Variants in SH3GL2 observed in about 807,000 individuals in gnomAD.
SH3GL2 encodes the protein endophilin-A1.
Under a neutral mutation model 46.0 loss-of-function variants are expected in SH3GL2, and 24 were observed. The ratio of observed to expected loss-of-function variants is 0.52; its 90% CI spans 0.38 to 0.73. SH3GL2 has a LOEUF of 0.73. SH3GL2 is among the 30% of genes least tolerant of loss of function. The pLI is 0.00. For synonymous variants in SH3GL2, 196 were observed against 147.1 expected (o/e 1.33, Z -2.40); for missense variants, 413 against 424.2 (o/e 0.97, Z 0.23).
intron 2 of SH3GL2, among the ~76,000 whole-genome samples, chr9:17,757,793 C>T (rs1347631483): frequency 6.6e-5 from 10 of 152,140 alleles, no homozygotes; most frequent in Admixed American, 5.9e-4. Flanking sequence ...TGGAAATCTT[C>T]TTTATGCTAA....
At chr9:17,597,516 CA>C (rs35443283) in intron 1 of SH3GL2, among the ~76,000 whole-genome samples, 4,475 of 128,684 alleles carry the variant, frequency 0.035, 130 homozygotes, top group African/African-American at 0.087. Flanking sequence ...TACTCAGTCT[CA>C]AAAAAAAAAA....
intron 1 of SH3GL2, among the ~76,000 whole-genome samples, chr9:17,700,249 C>T (rs753901543): frequency 3.3e-5 from 5 of 152,132 alleles, no homozygotes; most frequent in Non-Finnish European, 7.3e-5. Flanking sequence ...AGAGGATGAG[C>T]TATTTTATTT....
chr9:17,718,248 C>T (rs995790540), intron 1 of SH3GL2, among the ~76,000 whole-genome samples: 2 of 152,138 alleles, frequency 1.3e-5, no homozygotes, highest in Non-Finnish European at 2.9e-5. Context: ...TTCATGCCAT[C>T]CTCCCTCACA....
intron 1 of SH3GL2, among the ~76,000 whole-genome samples, chr9:17,699,875 C>T (rs143413184): frequency 5.9e-5 from 9 of 152,228 alleles, no homozygotes; most frequent in East Asian, 3.9e-4. Flanking sequence ...TATCTTTGGC[C>T]ACCTATCTGT....
intron 1 of SH3GL2, among the ~76,000 whole-genome samples, chr9:17,658,519 T>G (rs969621522): frequency 4.6e-5 from 7 of 152,212 alleles, no homozygotes; most frequent in Non-Finnish European, 8.8e-5. Context: ...TATTGCTTAA[T>G]AGTAAATGTG....
At chr9:17,628,407 C>T (rs1333729940) in intron 1 of SH3GL2, among the ~76,000 whole-genome samples, 3 of 132,514 alleles carry the variant, frequency 2.3e-5, no homozygotes, top group Non-Finnish European at 4.8e-5. Flanking sequence ...ATAACTATAT[C>T]TTGGGTGTGT....
chr9:17,684,443 GC>G (rs1240381938), intron 1 of SH3GL2, among the ~76,000 whole-genome samples: 1 of 152,026 alleles, frequency 6.6e-6, no homozygotes, highest in Non-Finnish European at 1.5e-5. Context: ...AAATGTTAGA[GC>G]CCCTAAGAGC....
chr9:17,613,434 C>A lies in SH3GL2; in HGVS notation c.45+34147C>A, dbSNP rs554500984. ...AATATTGTGTTTAGATAAATAACAA[C>A]AATGGCAATATTTTTGGCAAGAAAT... is the stretch of plus-strand genomic sequence containing the variant. On this transcript the variant is annotated intron_variant, in intron 1 of 8. Coordinates refer to ENST00000380607, the MANE Select transcript of SH3GL2 (RefSeq NM_003026.5). Among the ~76,000 whole-genome samples the A allele has an allele frequency of 2.3e-3, 347 of 152,174 alleles. 1 individual carries two copies. Among genetic ancestry groups the A allele is most frequent in the African/African-American group, 7.8e-3 (324 of 41,520 alleles).
At chr9:17,732,173 T>C (rs1457061154) in intron 1 of SH3GL2, among the ~76,000 whole-genome samples, 4 of 152,094 alleles carry the variant, frequency 2.6e-5, no homozygotes, top group African/African-American at 9.7e-5. Context: ...TATTACCCTT[T>C]AAAAAATAAC....
intron 1 of SH3GL2, among the ~76,000 whole-genome samples, chr9:17,611,218 A>G (rs772203513): frequency 6.6e-6 from 1 of 152,210 alleles, no homozygotes; most frequent in Non-Finnish European, 1.5e-5. Flanking sequence ...ACTATAGGGA[A>G]ATATACAGGT....
chr9:17,606,039 C>G (rs1195289047), intron 1 of SH3GL2, among the ~76,000 whole-genome samples: 1 of 152,136 alleles, frequency 6.6e-6, no homozygotes. Flanking sequence ...TAGTCTCATT[C>G]TACCCTTGTC....
At chr9:17,604,985 T>C (rs1159822284) in intron 1 of SH3GL2, among the ~76,000 whole-genome samples, 2 of 151,648 alleles carry the variant, frequency 1.3e-5, no homozygotes, top group Admixed American at 6.6e-5. Flanking sequence ...TCATTTTTTT[T>C]TTTTTTTTTG....
intron 7 of SH3GL2, among the ~76,000 whole-genome samples, chr9:17,792,007 A>G (rs557137905): frequency 3.4e-4 from 52 of 152,320 alleles, no homozygotes; most frequent in African/African-American, 1.2e-3. Flanking sequence ...AATATGTGTT[A>G]TTTTAATTTA....
chr9:17,760,492 A>G (rs1170990569), intron 2 of SH3GL2, among the ~76,000 whole-genome samples: 1 of 152,064 alleles, frequency 6.6e-6, no homozygotes, highest in African/African-American at 2.4e-5. Context: ...GATATTATAT[A>G]CTGGTATATA....
At chr9:17,779,215 G>A (rs1443423367) in intron 3 of SH3GL2, among the ~76,000 whole-genome samples, 2 of 152,094 alleles carry the variant, frequency 1.3e-5, no homozygotes, top group Non-Finnish European at 2.9e-5. Context: ...AGATAGAGAT[G>A]GGGTCCTTAA....
At chr9:17,763,648 T>A (rs1823240754) in intron 3 of SH3GL2, among the ~76,000 whole-genome samples, 1 of 152,212 alleles carries the variant, frequency 6.6e-6, no homozygotes, top group Admixed American at 6.5e-5. Flanking sequence ...TGTGAGGGAA[T>A]CAATTCTTTT....
intron 1 of SH3GL2, among the ~76,000 whole-genome samples, chr9:17,728,461 ATTAT>A (rs1036295200): frequency 1.3e-5 from 2 of 151,848 alleles, no homozygotes; most frequent in African/African-American, 4.8e-5. Flanking sequence ...AATTTTTAAA[ATTAT>A]TTATGTATGT....
chr9:17,792,663 A>G (rs1480900853), intron 7 of SH3GL2, among the ~76,000 whole-genome samples: 1 of 152,112 alleles, frequency 6.6e-6, no homozygotes, highest in Non-Finnish European at 1.5e-5. Context: ...CATGTTCTGA[A>G]TAGAATAGCT....
intron 1 of SH3GL2, among the ~76,000 whole-genome samples, chr9:17,647,211 G>A (rs9407825): frequency 0.48 from 72,381 of 152,036 alleles, 18,281 homozygotes; most frequent in Non-Finnish European, 0.58. Flanking sequence ...TTTAGGAAAT[G>A]ATAGTATATT....
Sources: allele counts gnomAD v4.1 joint callset (sites outside exome capture counted in the v4.1 genomes callset), GRCh38; gene constraint gnomAD v4.1.1; transcripts MANE v1.5; gene names NCBI Gene and HGNC (gene_info 2026-07-23, HGNC 2026-07-21).